Variants in CABIN1 observed in about 807,000 individuals in gnomAD.
CABIN1 encodes the protein calcineurin binding protein 1.
Under a neutral mutation model 227.7 loss-of-function variants are expected in CABIN1, and 133 were observed. The ratio of observed to expected loss-of-function variants is 0.58; its 90% confidence interval spans 0.51 to 0.67. CABIN1 has a LOEUF of 0.67. Among genes scored for constraint, CABIN1 ranks in the 30% least tolerant of loss-of-function variants. The pLI is 0.00. For missense variants in CABIN1, 2,408 were observed against 2,852.5 expected, an observed-to-expected ratio of 0.84 and a Z score of 3.55; for synonymous variants, 1,086 against 1,155.1, an observed-to-expected ratio of 0.94 and a Z score of 1.21.
chr22:24,037,431 T>G (rs1247812168), intron 3 of CABIN1, among the ~76,000 whole-genome samples: 1 of 151,800 alleles, frequency 6.6e-6, no homozygotes, highest in Non-Finnish European at 1.5e-5. Context: ...GCCTCCTGAG[T>G]AGTTTAGGAC....
intron 28 of CABIN1, among the ~76,000 whole-genome samples, chr22:24,123,723 A>G (rs760985826): frequency 1.2e-4 from 18 of 152,216 alleles, no homozygotes; most frequent in Non-Finnish European, 2.2e-4. Context: ...ATGTGGAACC[A>G]TTAACTGGGA....
chr22:24,026,059 ACTC>A (rs1389445816), intron 1 of CABIN1, among the ~76,000 whole-genome samples: 2 of 151,912 alleles, frequency 1.3e-5, no homozygotes, highest in African/African-American at 2.4e-5. Context: ...CTGGTCTCGA[ACTC>A]CTGAGCTCAA....
intron 28 of CABIN1, among the ~76,000 whole-genome samples, chr22:24,119,936 C>T (rs1356770831): frequency 6.6e-6 from 1 of 152,018 alleles, no homozygotes; most frequent in Non-Finnish European, 1.5e-5. Context: ...TAGGGGGTCT[C>T]ACAGTCTCAG....
At chr22:24,082,610 C>T (rs966140312) in intron 19 of CABIN1, among the ~76,000 whole-genome samples, 1 of 152,272 alleles carries the variant, frequency 6.6e-6, no homozygotes, top group South Asian at 2.1e-4. Context: ...CTCATGAATG[C>T]TTGAAAATAA....
At chr22:24,170,153 G>T in intron 33 of CABIN1, 1 of 458,778 alleles carries the variant, frequency 2.2e-6, no homozygotes, top group South Asian at 1.5e-5. Context: ...GGGGCGCCTT[G>T]GTATCTGCCG....
At chr22:24,097,100 A>G (rs1394872726) in intron 25 of CABIN1, among the ~76,000 whole-genome samples, 1 of 152,246 alleles carries the variant, frequency 6.6e-6, no homozygotes, top group African/African-American at 2.4e-5. Context: ...CTGTGCTCAG[A>G]ATTTATAGCT....
intron 14 of CABIN1, 90 bp from the exon 15 acceptor site, chr22:24,063,945 A>C (rs2039390540): frequency 1.3e-6 from 2 of 1,546,124 alleles, no homozygotes; most frequent in African/African-American, 2.7e-5. Context: ...CATGGCCTCC[A>C]CAGTCTAGTG....
rs781331053 is a variant in CABIN1, at chr22:24,035,543, T to A, written c.3+23T>A. The stretch of plus-strand genomic sequence containing the variant: ...ATGGTAAGGACTGATGCCTGCCTAT[T>A]TTGCGGACCTCAGTGTTCTTTTGTT... On this transcript the variant is annotated intron_variant, in intron 2 of 36. Transcript: ENST00000263119. 5.6e-6 allele frequency: 9 copies of A among 1,614,008 alleles called. No individual in the cohort carries two copies. In the East Asian group the frequency reaches 2.0e-4, roughly 36 times the overall value.
intron 28 of CABIN1, among the ~76,000 whole-genome samples, chr22:24,127,145 A>G (rs1008763920): frequency 4.6e-5 from 7 of 152,186 alleles, no homozygotes; most frequent in African/African-American, 1.7e-4. Context: ...TCAGAGGCCT[A>G]GCAGGACACA....
chr22:24,088,337 T>C (rs1385556545), intron 23 of CABIN1, among the ~76,000 whole-genome samples: 2 of 152,146 alleles, frequency 1.3e-5, no homozygotes, highest in Non-Finnish European at 2.9e-5. Context: ...TGGCCGGGTG[T>C]GGTGGCTCAC....
chr22:24,083,344 CAAG>C lies in CABIN1; in HGVS notation c.2870_2872del (p.Lys957del), dbSNP rs1287353756. Reference sequence around the variant, plus strand: ...TCTACTGCCTGTACAGCTTCCCCAGCAAGAAGAGTAAGGCCAGGTACCTGGAGG... The same window carrying C: ...TCTACTGCCTGTACAGCTTCCCCAGCAAGAGTAAGGCCAGGTACCTGGAGG... On this transcript the variant is annotated inframe_deletion, in exon 20 of 37. Coordinates refer to ENST00000263119, the MANE Select transcript of CABIN1 (RefSeq NM_012295.4). 6.2e-7 allele frequency: 1 copy of C among 1,613,970 alleles called. No individual in the cohort carries two copies.
At chr22:24,166,202 A>T (rs1195508163) in intron 31 of CABIN1, among the ~76,000 whole-genome samples, 1 of 152,166 alleles carries the variant, frequency 6.6e-6, no homozygotes, top group African/African-American at 2.4e-5. Flanking sequence ...GGCCTCGTGC[A>T]TTAAGGGCCA....
intron 29 of CABIN1, chr22:24,155,786 C>A: frequency 7.4e-6 from 3 of 407,136 alleles, no homozygotes; most frequent in Non-Finnish European, 1.3e-5. Flanking sequence ...CTGGCCACCC[C>A]TACACCATGC....
chr22:24,017,997 A>T (rs569876308), intron 1 of CABIN1, among the ~76,000 whole-genome samples: 1 of 152,076 alleles, frequency 6.6e-6, no homozygotes, highest in Non-Finnish European at 1.5e-5. Flanking sequence ...GGGACTACAG[A>T]TGTGTACCAC....
Position 24,062,977 on chromosome 22 carries a change from C to T in CABIN1, c.1715C>T (p.Pro572Leu). The change falls in exon 14 of 37, where the codon CCT becomes CTT. Residue 572 changes from proline to leucine, a missense_variant. Physicochemically the swap from Pro to Leu is moderately conservative, Grantham distance 98. This residue lies in a region of CABIN1 where 1,045 missense variants were observed against 1,168.4 expected (regional missense o/e 0.89). Coordinates refer to ENST00000263119, the MANE Select transcript of CABIN1 (RefSeq NM_012295.4). ...TTTTTAGTGTCTCCTCGGAACTGCC[C>T]TGCTGGTATGGTGAATGGCAGATTT... ...RSSAVSPRNC[P>L]AGMVNGRFGP... The T allele has an allele frequency of 1.9e-6, 3 of 1,614,164 alleles. No homozygotes were observed. The highest frequency in any genetic ancestry group is 2.5e-6 in the Non-Finnish European group (3 of 1,180,014).
chr22:24,100,189 C>G (rs1164782917), intron 26 of CABIN1, among the ~76,000 whole-genome samples: 1 of 152,230 alleles, frequency 6.6e-6, no homozygotes, highest in Non-Finnish European at 1.5e-5. Context: ...AGACACAAAG[C>G]CATCAGGATC....
intron 29 of CABIN1, among the ~76,000 whole-genome samples, chr22:24,145,420 C>T (rs1273725273): frequency 6.6e-6 from 1 of 152,190 alleles, no homozygotes; most frequent in Non-Finnish European, 1.5e-5. Flanking sequence ...GTGCCATTGT[C>T]CCTGCCTCGC....
intron 20 of CABIN1, 105 bp from the exon 21 acceptor site, chr22:24,084,474 A>C (rs1421635790): frequency 2.1e-6 from 2 of 944,196 alleles, no homozygotes; most frequent in African/African-American, 3.2e-5. Context: ...AATATGCCAT[A>C]ACCTCATTTA....
In CABIN1 at chr22:24,017,105, C is replaced by G. The variant is rs1419001601; in HGVS notation, c.-75+5738C>G. Among the ~76,000 whole-genome samples the G allele has an allele frequency of 2.7e-5, 4 of 145,838 alleles. 1 individual carries two copies. The South Asian group carries it at 8.6e-4, about 31-fold the overall frequency. On this transcript the variant is annotated intron_variant, in intron 1 of 36. Coordinates refer to ENST00000263119, the MANE Select transcript of CABIN1 (RefSeq NM_012295.4). ...AGGCTGGAGTGCAATGGCGCGATCT[C>G]GGCTCACTGCAACCTCCACCTCTTG...
Sources: allele counts gnomAD v4.1 joint callset (sites outside exome capture counted in the v4.1 genomes callset), GRCh38; gene constraint gnomAD v4.1.1; regional missense constraint gnomAD v4.1.1; transcripts MANE v1.5; gene names NCBI Gene and HGNC (gene_info 2026-07-23, HGNC 2026-07-21).